EXOC4: variants seen among roughly 807,000 people sequenced by gnomAD.
EXOC4 encodes the protein exocyst complex component 4.
A neutral mutation model predicts 107.2 loss-of-function variants in EXOC4; 71 were observed. That is an observed-to-expected ratio of 0.66 (90% CI 0.55 to 0.81). The LOEUF is 0.81. EXOC4 is among the 30% of genes least tolerant of loss of function. The pLI is 0.00. For synonymous variants in EXOC4, 456 were observed against 441.2 expected (o/e 1.03, Z -0.42); for missense variants, 1,108 against 1,189.6 (o/e 0.93, Z 1.01).
At chr7:134,073,230 A>AAAAAAAAAAAC in the EXOC4 span, among the ~76,000 whole-genome samples, 23 of 18,406 alleles carry the variant, frequency 1.2e-3, no homozygotes, top group Admixed American at 2.0e-3. Context: ...AAAAAAAAAA[A>AAAAAAAAAAAC]AACAACAAAG....
At chr7:133,494,268 C>T (rs1226071444) in intron 9 of EXOC4, among the ~76,000 whole-genome samples, 1 of 152,096 alleles carries the variant, frequency 6.6e-6, no homozygotes, top group African/African-American at 2.4e-5. Context: ...TAATGCTTTA[C>T]TAGCTCTGTG....
intron 14 of EXOC4, among the ~76,000 whole-genome samples, chr7:133,948,132 A>G (rs187868794): frequency 2.6e-5 from 4 of 152,334 alleles, no homozygotes; most frequent in African/African-American, 7.2e-5. Flanking sequence ...TGGTTGCCAC[A>G]CAGAACCACG....
chr7:133,577,970 T>A (rs1412012110), intron 9 of EXOC4, among the ~76,000 whole-genome samples: 1 of 152,196 alleles, frequency 6.6e-6, no homozygotes, highest in African/African-American at 2.4e-5. Context: ...GTGTTCATTA[T>A]CACAGACAAA....
intron 9 of EXOC4, among the ~76,000 whole-genome samples, chr7:133,574,882 G>A (rs368563894): frequency 3.9e-5 from 6 of 152,238 alleles, no homozygotes; most frequent in Admixed American, 6.5e-5. Context: ...TATCTTCAGC[G>A]TTGATGACAA....
chr7:133,748,704 T>G (rs1281450760), intron 10 of EXOC4, among the ~76,000 whole-genome samples: 1 of 152,186 alleles, frequency 6.6e-6, no homozygotes, highest in African/African-American at 2.4e-5. Context: ...GAGCACAGTC[T>G]TCCCCAACAG....
At chr7:133,373,933 C>T (rs1016662536) in intron 6 of EXOC4, among the ~76,000 whole-genome samples, 2 of 152,084 alleles carry the variant, frequency 1.3e-5, no homozygotes, top group African/African-American at 4.8e-5. Context: ...TATTGAGCAG[C>T]ATATGTGAGG....
At chr7:133,580,622 C>G (rs183739112) in intron 9 of EXOC4, among the ~76,000 whole-genome samples, 113 of 152,282 alleles carry the variant, frequency 7.4e-4, no homozygotes, top group African/African-American at 2.5e-3. Context: ...TTCCCTTTGA[C>G]TCTTAAAACA....
chr7:133,413,495 C>T (rs1045821234), intron 7 of EXOC4, among the ~76,000 whole-genome samples: 6 of 152,050 alleles, frequency 3.9e-5, no homozygotes, highest in East Asian at 3.8e-4. Context: ...ATTTTATTGA[C>T]GATGTCATAG....
chr7:133,987,495 GAGA>G (rs920740194), intron 14 of EXOC4, among the ~76,000 whole-genome samples: 1 of 152,024 alleles, frequency 6.6e-6, no homozygotes. Flanking sequence ...CGGGGAGGGA[GAGA>G]AGAAGGAAGA....
intron 14 of EXOC4, among the ~76,000 whole-genome samples, chr7:133,992,551 G>A (rs973971186): frequency 2.6e-5 from 4 of 151,926 alleles, no homozygotes; most frequent in African/African-American, 9.7e-5. Context: ...CCAAAGTGCT[G>A]GGATTACAGG....
chr7:133,364,222 CT>C (rs1318491173), intron 6 of EXOC4, among the ~76,000 whole-genome samples: 3 of 152,106 alleles, frequency 2.0e-5, no homozygotes, highest in Non-Finnish European at 2.9e-5. Flanking sequence ...TTGACCCCCC[CT>C]GGGCTCAAGA....
At chr7:133,758,907 A>G (rs1450872645) in intron 10 of EXOC4, among the ~76,000 whole-genome samples, 2 of 152,224 alleles carry the variant, frequency 1.3e-5, no homozygotes, top group Non-Finnish European at 2.9e-5. Flanking sequence ...GGGGAAATCA[A>G]GAATTCAAGT....
At chr7:134,031,981 CTT>C (rs1284179406) in intron 17 of EXOC4, among the ~76,000 whole-genome samples, 1 of 152,172 alleles carries the variant, frequency 6.6e-6, no homozygotes, top group Non-Finnish European at 1.5e-5. Flanking sequence ...AATCATGACT[CTT>C]TGTTGCCACC....
intron 3 of EXOC4, 35 bp from the exon 4 acceptor site, chr7:133,305,842 G>A: frequency 6.7e-7 from 1 of 1,494,732 alleles, no homozygotes. Context: ...TTATTAAGTT[G>A]TACTTAATTG....
chr7:133,380,413 T>A (rs56341537), intron 7 of EXOC4, among the ~76,000 whole-genome samples: 4,356 of 151,934 alleles, frequency 0.029, 158 homozygotes, highest in African/African-American at 0.084. Context: ...AGTGGTTTTT[T>A]AATTATATTT....
chr7:133,256,169 GGC>G (rs1161628204), intron 1 of EXOC4, among the ~76,000 whole-genome samples: 4 of 152,100 alleles, frequency 2.6e-5, no homozygotes, highest in Non-Finnish European at 5.9e-5. Flanking sequence ...TTTTAGTAGA[GGC>G]AGGGTTTCAC....
At chr7:133,282,847 G>C (rs1451585557) in intron 2 of EXOC4, among the ~76,000 whole-genome samples, 1 of 152,086 alleles carries the variant, frequency 6.6e-6, no homozygotes, top group Non-Finnish European at 1.5e-5. Context: ...ATTAACTGTA[G>C]TCACCATGTT....
rs183795143 is a variant in EXOC4, at chr7:133,613,661, T to C, written c.1418-16384T>C. Reference sequence around the variant, plus strand: ...GGTACTATACATTGAGGTCTGCAGCTGTGGTTTCTTGCCATATCAAGATAA... The same window carrying C: ...GGTACTATACATTGAGGTCTGCAGCCGTGGTTTCTTGCCATATCAAGATAA... On this transcript the variant is annotated intron_variant, in intron 9 of 17. Transcript: ENST00000253861. 1.4e-3 allele frequency among the ~76,000 whole-genome samples: 218 copies of C among 151,976 alleles called. 1 individual carries two copies. The highest frequency in any genetic ancestry group is 1.3e-3 in the Non-Finnish European group (85 of 67,978).
intron 10 of EXOC4, among the ~76,000 whole-genome samples, chr7:133,802,208 C>G (rs1796961025): frequency 6.6e-6 from 1 of 152,168 alleles, no homozygotes; most frequent in African/African-American, 2.4e-5. Flanking sequence ...ATAGTGTGAC[C>G]TTCAGCAAAT....
Sources: gnomAD v4.1 joint callset for allele counts (sites outside exome capture counted in the v4.1 genomes callset) on GRCh38, gnomAD v4.1.1 for gene constraint, MANE v1.5 for transcripts, NCBI Gene and HGNC (gene_info 2026-07-23, HGNC 2026-07-21) for gene names.